Variants in TTC1 observed in about 807,000 individuals in gnomAD.
TTC1 encodes tetratricopeptide repeat domain 1.
TTC1 carries 31 observed loss-of-function variants against 37.6 expected under a neutral mutation model. The ratio of observed to expected loss-of-function variants is 0.82; its 90% CI spans 0.62 to 1.11. The LOEUF (loss-of-function observed/expected upper bound fraction) is 1.11, where lower values mean the gene tolerates loss of function less well. Among genes scored for constraint, TTC1 ranks in the 50% most tolerant of loss-of-function variants. TTC1 has a pLI of 0.00. For synonymous variants in TTC1, 127 were observed against 122.4 expected (o/e 1.04, Z -0.25); for missense variants, 351 against 339.0 (o/e 1.04, Z -0.28).
intron 7 of TTC1, among the ~76,000 whole-genome samples, chr5:160,056,281 A>G (rs1757544871): frequency 6.6e-6 from 1 of 152,006 alleles, no homozygotes; most frequent in Non-Finnish European, 1.5e-5. Context: ...TCATAATCCA[A>G]CCCAGGTTTT....
intron 7 of TTC1, among the ~76,000 whole-genome samples, chr5:160,059,871 G>C (rs1179990298): frequency 2.6e-5 from 4 of 152,222 alleles, no homozygotes; most frequent in African/African-American, 9.6e-5. Context: ...CATGAAATGA[G>C]CACGTGCTAT....
intron 3 of TTC1, 92 bp downstream of exon 3, chr5:160,035,292 A>G: frequency 9.3e-7 from 1 of 1,074,788 alleles, no homozygotes; most frequent in Admixed American, 3.0e-5. Flanking sequence ...CATCTGAAGA[A>G]ACCCCAAAAC....
intron 2 of TTC1, among the ~76,000 whole-genome samples, chr5:160,022,243 C>G (rs1274907488): frequency 1.3e-5 from 2 of 152,096 alleles, no homozygotes; most frequent in African/African-American, 2.4e-5. Flanking sequence ...ATGTTGTATT[C>G]ACTGACCTAA....
chr5:160,027,846 T>C (rs1032655175), intron 2 of TTC1, among the ~76,000 whole-genome samples: 2 of 152,240 alleles, frequency 1.3e-5, no homozygotes, highest in Non-Finnish European at 2.9e-5. Context: ...TGTTCTCTTC[T>C]ATCATTTTTC....
In TTC1 at chr5:160,046,864, T is replaced by C. The variant is rs376798620; in HGVS notation, c.542-2650T>C. ...CTGTCTCTACTAAAAGTACAAAAAT[T>C]AGCAGGGCATGGCGGCACGTGCCTG... On this transcript the variant is annotated intron_variant, in intron 5 of 7. Coordinates refer to ENST00000231238, the MANE Select transcript of TTC1 (RefSeq NM_003314.3). 6.6e-5 allele frequency among the ~76,000 whole-genome samples: 10 copies of C among 152,082 alleles called. No individual in the cohort carries two copies. In the East Asian group the frequency reaches 1.7e-3, roughly 27 times the overall value.
intron 2 of TTC1, among the ~76,000 whole-genome samples, chr5:160,022,975 GC>G (rs35857482): frequency 6.6e-6 from 1 of 152,128 alleles, no homozygotes; most frequent in African/African-American, 2.4e-5. Flanking sequence ...GACAAAATTG[GC>G]CGGGTGCAGT....
intron 7 of TTC1, among the ~76,000 whole-genome samples, chr5:160,058,524 C>G (rs533330086): frequency 6.6e-6 from 1 of 151,564 alleles, no homozygotes; most frequent in African/African-American, 2.4e-5. Context: ...CATTCTCCTG[C>G]CTCAGCCTCC....
At chr5:160,026,354 C>A (rs1756804877) in intron 2 of TTC1, among the ~76,000 whole-genome samples, 1 of 152,082 alleles carries the variant, frequency 6.6e-6, no homozygotes, top group South Asian at 2.1e-4. Context: ...TATGTTTTTC[C>A]ATATGTATTG....
intron 2 of TTC1, among the ~76,000 whole-genome samples, chr5:160,014,033 C>T (rs988673951): frequency 7.2e-5 from 11 of 152,000 alleles, no homozygotes; most frequent in East Asian, 1.9e-4. Flanking sequence ...GTGGCTATTA[C>T]GGCTGAGGAA....
At chr5:160,045,520 ACTCTCTCT>A (rs749296749) in intron 5 of TTC1, among the ~76,000 whole-genome samples, 659 of 54,872 alleles carry the variant, frequency 0.012, 36 homozygotes, top group Admixed American at 0.11. Context: ...ACACATACAC[ACTCTCTCT>A]CTCTCTCTCT....
In TTC1 at chr5:160,010,562, G is replaced by C; in HGVS notation, c.34G>C (p.Glu12Gln). ...GAAGTCAGAGAACTGTGGGGTTCCA[G>C]AGGATCTGTTAAATGGTTTGAAGGT... ...GEKSENCGVP[E>Q]DLLNGLKVTD... Residue 12 changes from glutamate (E) to glutamine (Q), a missense_variant, in exon 2 of 8, where the codon GAG becomes CAG. Transcript: ENST00000231238. 1 of 1,614,146 alleles carries C rather than the reference G, an allele frequency of 6.2e-7. No individual in the cohort carries two copies. Among genetic ancestry groups the C allele is most frequent in the Non-Finnish European group, 8.5e-7 (1 of 1,180,018 alleles).
intron 2 of TTC1, chr5:160,024,059 G>A (rs932733561): frequency 8.7e-7 from 1 of 1,151,524 alleles, no homozygotes; most frequent in Admixed American, 1.7e-5. Context: ...ATATACTCTG[G>A]TTAGCATGTA....
intron 2 of TTC1, among the ~76,000 whole-genome samples, chr5:160,022,341 A>AT (rs1472778928): frequency 6.6e-6 from 1 of 152,158 alleles, no homozygotes; most frequent in Non-Finnish European, 1.5e-5. Flanking sequence ...ACTTTCTAAC[A>AT]TTTTGCCATG....
chr5:160,039,327 G>A (rs1023227934), intron 4 of TTC1: 1 of 139,500 alleles, frequency 7.2e-6, no homozygotes, highest in African/African-American at 2.7e-5. Flanking sequence ...TATATACATT[G>A]TTTTATATGT....
intron 2 of TTC1, among the ~76,000 whole-genome samples, chr5:160,020,569 G>T (rs1367118409): frequency 6.6e-6 from 1 of 152,236 alleles, no homozygotes; most frequent in Non-Finnish European, 1.5e-5. Flanking sequence ...AGCTTCATCT[G>T]TATTTACAGC....
chr5:160,049,766 C>G (rs1757353281), intron 6 of TTC1, 104 bp downstream of exon 6: 1 of 1,074,850 alleles, frequency 9.3e-7, no homozygotes, highest in South Asian at 2.2e-5. Context: ...CATTTCTGTG[C>G]TTTTGAGGAG....
chr5:160,035,155 A>G lies in TTC1; in HGVS notation c.346A>G (p.Ser116Gly). ...TGTCTTTCAGAAAAGAAGAGAAGAG[A>G]GCACTAGACTAAAGGAGGAGGGAAA... ...DEEKQKRREE[S>G]TRLKEEGNEQ... The change falls in exon 3 of 8, where the codon AGC (serine) becomes GGC (glycine). Residue 116 changes from serine (S) to glycine (G), a missense_variant. Coordinates refer to ENST00000231238, the MANE Select transcript of TTC1 (RefSeq NM_003314.3). 2 of 1,602,834 alleles carry G rather than the reference A, an allele frequency of 1.2e-6. No homozygotes were observed. The highest frequency in any genetic ancestry group is 1.1e-5 in the South Asian group (1 of 88,418).
chr5:160,032,239 C>G (rs1025569377), intron 2 of TTC1, among the ~76,000 whole-genome samples: 5 of 152,024 alleles, frequency 3.3e-5, no homozygotes, highest in Non-Finnish European at 5.9e-5. Context: ...TGAGTTGGCT[C>G]TGAAGAGAAG....
In TTC1 at chr5:160,010,717, T is replaced by C; in HGVS notation, c.189T>C (p.Phe63=). The C allele has an allele frequency of 6.2e-7, 1 of 1,613,902 alleles. No individual in the cohort carries two copies. Residue 63 remains phenylalanine, a synonymous_variant, in exon 2 of 8, where the codon TTT becomes TTC. Transcript: ENST00000231238. ...AGGACCAGGGAGAAGAGGAGTGTTT[T>C]CATGACTGCAGTGCCTCATTTGAGG... ...LQEDQGEEEC[F]HDCSASFEEE...
Sources: allele counts gnomAD v4.1 joint callset (sites outside exome capture counted in the v4.1 genomes callset), GRCh38; gene constraint gnomAD v4.1.1; transcripts MANE v1.5; gene names NCBI Gene and HGNC (gene_info 2026-07-23, HGNC 2026-07-21).